The following CRIM1 variants were observed in gnomAD, a reference collection of about 807,000 sequenced individuals.
The protein encoded by CRIM1 is cysteine-rich motor neuron 1 protein.
A neutral mutation model predicts 116.4 loss-of-function variants in CRIM1; 32 were observed. The observed-to-expected ratio is 0.27, with a 90% CI of 0.21 to 0.37. CRIM1 has a LOEUF of 0.37. Ranked by LOEUF, CRIM1 falls within the 10% of genes least tolerant of loss-of-function variation. The pLI, the probability that CRIM1 is intolerant of heterozygous loss-of-function variation, is 1.00. For synonymous variants in CRIM1, 590 were observed against 509.2 expected, an observed-to-expected ratio of 1.16 and a Z score of -2.13; for missense variants, 1,331 against 1,354.8, an observed-to-expected ratio of 0.98 and a Z score of 0.28.
chr2:36,462,252 TATA>T (rs1297491260), intron 4 of CRIM1, among the ~76,000 whole-genome samples: 1 of 152,196 alleles, frequency 6.6e-6, no homozygotes, highest in Non-Finnish European at 1.5e-5. Flanking sequence ...ACGTAATGCA[TATA>T]ATGTTTACTC....
intron 1 of CRIM1, among the ~76,000 whole-genome samples, chr2:36,359,443 A>C (rs1669076430): frequency 6.6e-6 from 1 of 152,184 alleles, no homozygotes; most frequent in Admixed American, 6.5e-5. Context: ...TTTTAACTGC[A>C]GTTCACAAAA....
chr2:36,464,502 TG>T, intron 4 of CRIM1, 31 bp from the exon 5 acceptor site: 1 of 1,613,378 alleles, frequency 6.2e-7, no homozygotes, highest in South Asian at 1.1e-5. Context: ...TGTTTATTCA[TG>T]GGGTTTTCCT....
intron 2 of CRIM1, among the ~76,000 whole-genome samples, chr2:36,440,894 CTT>C (rs534966513): frequency 5.3e-5 from 8 of 152,174 alleles, no homozygotes; most frequent in Non-Finnish European, 1.2e-4. Flanking sequence ...CTTTAAAGCT[CTT>C]TTGAATTCAA....
chr2:36,475,211 G>A (rs1678871389), intron 5 of CRIM1, among the ~76,000 whole-genome samples: 1 of 152,204 alleles, frequency 6.6e-6, no homozygotes, highest in Admixed American at 6.5e-5. Context: ...AAACAATGTT[G>A]TCTTTCAATC....
intron 7 of CRIM1, among the ~76,000 whole-genome samples, chr2:36,488,490 A>C (rs559239962): frequency 6.6e-6 from 1 of 152,334 alleles, no homozygotes; most frequent in Admixed American, 6.5e-5. Flanking sequence ...GGGTCATACC[A>C]TCAGTTTAAT....
chr2:36,535,507 A>G (rs1196542912), intron 13 of CRIM1, among the ~76,000 whole-genome samples: 1 of 152,210 alleles, frequency 6.6e-6, no homozygotes, highest in Non-Finnish European at 1.5e-5. Flanking sequence ...ATACTGAAAA[A>G]TTGATTTCTG....
chr2:36,373,325 A>T (rs1670067557), intron 1 of CRIM1, among the ~76,000 whole-genome samples: 1 of 152,256 alleles, frequency 6.6e-6, no homozygotes, highest in East Asian at 1.9e-4. Context: ...CAAAGTAAAC[A>T]GTTCTTGTAA....
At chr2:36,538,160 G>C (rs1157621273) in intron 14 of CRIM1, among the ~76,000 whole-genome samples, 1 of 152,114 alleles carries the variant, frequency 6.6e-6, no homozygotes, top group Admixed American at 6.5e-5. Flanking sequence ...CCCACTCTTT[G>C]TGTCTGCTGC....
rs1274665695 is a variant in CRIM1 at position 36,356,807 on chromosome 2, C to T, written c.331+184C>T. On this transcript the variant is annotated intron_variant, in intron 1 of 16. Transcript: ENST00000280527. The surrounding 1 kb of genome is among the most constrained non-coding windows in gnomAD (Gnocchi z 4.3). ...CGTTCCCTCTCCTTGTTCCCCCCGA[C>T]GCTTAGGCAGTCGCGGGCGAGGTTG... Among the ~76,000 whole-genome samples, 1 of 152,224 alleles carries T rather than the reference C, an allele frequency of 6.6e-6. No individual in the cohort carries two copies. The highest frequency in any genetic ancestry group is 1.9e-4 in the East Asian group (1 of 5,176).
intron 2 of CRIM1, among the ~76,000 whole-genome samples, chr2:36,417,329 T>C (rs1673695348): frequency 6.6e-6 from 1 of 152,212 alleles, no homozygotes; most frequent in Non-Finnish European, 1.5e-5. Context: ...TACACTGAAA[T>C]AGCTTTGTTT....
chr2:36,405,265 G>A (rs917178930), intron 2 of CRIM1, among the ~76,000 whole-genome samples: 12 of 152,120 alleles, frequency 7.9e-5, no homozygotes, highest in African/African-American at 1.2e-4. Flanking sequence ...CATTCATGCC[G>A]CCTTTGAAAT....
intron 1 of CRIM1, among the ~76,000 whole-genome samples, chr2:36,382,218 T>G (rs1479697811): frequency 6.6e-6 from 1 of 152,236 alleles, no homozygotes; most frequent in African/African-American, 2.4e-5. Context: ...GTTTCCAAAC[T>G]GCGCGTGTTG....
At position 36,512,478 on chromosome 2, in the gene CRIM1, G is replaced by T. The variant is rs1193360295; in HGVS notation, c.1780+84G>T. 4 of 1,433,162 alleles carry T rather than the reference G, an allele frequency of 2.8e-6. No homozygotes were observed. In the African/African-American group the frequency reaches 5.7e-5, roughly 20 times the overall value. The allele number at this position is 1,433,162 out of a possible 1,614,324, so 88.8% of individuals were successfully genotyped here. A position where few individuals can be genotyped will look rare whatever the true frequency, so the allele number is the denominator to read the frequency against. ...ACATAAGGACACCCTGTAATGAAAT[G>T]GTTTCGGTGGTTGCTGCCTATTCTA... is the stretch of plus-strand genomic sequence containing the variant. On this transcript the variant is annotated intron_variant, in intron 10 of 16. Transcript: ENST00000280527.
rs1667522367 is a variant in CRIM1 at position 36,548,570 on chromosome 2, G to C, written c.2980G>C (p.Gly994Arg). The C allele has an allele frequency of 3.7e-6, 6 of 1,602,706 alleles. 1 individual carries two copies. In the South Asian group the frequency reaches 5.6e-5, roughly 15 times the overall value. The change falls in exon 17 of 17, where the codon GGA becomes CGA. Residue 994 changes from glycine to arginine, a missense_variant. Gly to Arg is a moderately radical substitution (Grantham distance 125). Transcript: ENST00000280527. Reference sequence around the variant, plus strand: ...GCTAGTATCTGTGGACTGCAAGAAAGGAACCAGAGTCCAGGTGGACAGTTC... The same window carrying C: ...GCTAGTATCTGTGGACTGCAAGAAACGAACCAGAGTCCAGGTGGACAGTTC... ...NQLVSVDCKK[G>R]TRVQVDSSQR...
chr2:36,386,863 C>G (rs973527571), intron 1 of CRIM1, among the ~76,000 whole-genome samples: 1 of 152,160 alleles, frequency 6.6e-6, no homozygotes, highest in Non-Finnish European at 1.5e-5. Flanking sequence ...GGAGAAGTTT[C>G]CAGTGCAGAT....
chr2:36,357,142 G>C (rs1180230938), intron 1 of CRIM1, among the ~76,000 whole-genome samples: 1 of 152,190 alleles, frequency 6.6e-6, no homozygotes, highest in East Asian at 1.9e-4. Flanking sequence ...TTTTTTCCTT[G>C]AGCTCTTCCT....
intron 1 of CRIM1, among the ~76,000 whole-genome samples, chr2:36,395,773 G>GA (rs1334299796): frequency 6.6e-6 from 1 of 152,094 alleles, no homozygotes; most frequent in Admixed American, 6.5e-5. Flanking sequence ...GGTTGGCAGT[G>GA]ATGGATACTA....
chr2:36,471,052 A>G (rs1283334004), intron 5 of CRIM1, among the ~76,000 whole-genome samples: 1 of 152,208 alleles, frequency 6.6e-6, no homozygotes, highest in Non-Finnish European at 1.5e-5. Context: ...GAGAACTAGA[A>G]TTAAATGTGG....
intron 5 of CRIM1, among the ~76,000 whole-genome samples, chr2:36,470,039 A>G (rs925658338): frequency 2.4e-4 from 36 of 152,362 alleles, no homozygotes; most frequent in Admixed American, 1.2e-3. Context: ...TTATGAGAGT[A>G]TAGTTAGCAA....
Sources: allele counts gnomAD v4.1 joint callset (sites outside exome capture counted in the v4.1 genomes callset), GRCh38; gene constraint gnomAD v4.1.1; non-coding constraint Gnocchi (gnomAD v3.1); transcripts MANE v1.5; gene names NCBI Gene and HGNC (gene_info 2026-07-23, HGNC 2026-07-21).